Variants in TEX36 observed in about 807,000 individuals in gnomAD.
TEX36 encodes the protein testis-expressed protein 36.
Under a neutral mutation model 13.6 loss-of-function variants are expected in TEX36, and 12 were observed. The ratio of observed to expected loss-of-function variants is 0.88; its 90% CI spans 0.56 to 1.43. The LOEUF is 1.43. Among genes scored for constraint, TEX36 ranks in the 40% most tolerant of loss-of-function variants. The pLI, the probability that TEX36 is intolerant of heterozygous loss-of-function variation, is 0.00. For synonymous variants in TEX36, 93 were observed against 83.0 expected, an observed-to-expected ratio of 1.12 and a Z score of -0.65; for missense variants, 224 against 228.3, an observed-to-expected ratio of 0.98 and a Z score of 0.12.
chr10:125,586,616 TC>T (rs1341971692), intron 3 of TEX36, among the ~76,000 whole-genome samples: 3 of 111,882 alleles, frequency 2.7e-5, no homozygotes, highest in African/African-American at 1.1e-4. Context: ...ATTGTGAAAC[TC>T]CGTCTCTACT....
At chr10:125,672,352 A>G (rs9422796) in intron 1 of TEX36, among the ~76,000 whole-genome samples, 1,555 of 152,306 alleles carry the variant, frequency 0.01, 24 homozygotes, top group African/African-American at 0.034. Context: ...TTGATTTCAA[A>G]GAACTACTTG....
intron 3 of TEX36, among the ~76,000 whole-genome samples, chr10:125,623,868 C>T (rs1211324906): frequency 1.3e-5 from 2 of 152,182 alleles, no homozygotes; most frequent in African/African-American, 4.8e-5. Context: ...AATAATCAGT[C>T]GCCTCTTTGT....
At chr10:125,663,852 ACAAACAATCC>A (rs1189248932) in intron 1 of TEX36, among the ~76,000 whole-genome samples, 32 of 152,326 alleles carry the variant, frequency 2.1e-4, no homozygotes, top group Non-Finnish European at 3.4e-4. Context: ...TCTTTGTGTT[ACAAACAATCC>A]AATTATACTT....
intron 3 of TEX36, among the ~76,000 whole-genome samples, chr10:125,630,845 A>T (rs1275576727): frequency 6.6e-6 from 1 of 152,254 alleles, no homozygotes; most frequent in East Asian, 1.9e-4. Flanking sequence ...GAAATTACCC[A>T]AGGGAAGAGA....
chr10:125,601,283 A>G (rs578148341), intron 3 of TEX36, among the ~76,000 whole-genome samples: 1 of 152,402 alleles, frequency 6.6e-6, no homozygotes, highest in Admixed American at 6.5e-5. Context: ...TATTAAAGAA[A>G]CTATAATAAT....
intron 3 of TEX36, among the ~76,000 whole-genome samples, chr10:125,636,630 T>A (rs1223209245): frequency 6.6e-6 from 1 of 152,170 alleles, no homozygotes; most frequent in Admixed American, 6.5e-5. Context: ...TAAACCCGTG[T>A]TCCAGTTCTG....
intron 1 of TEX36, among the ~76,000 whole-genome samples, chr10:125,680,704 G>A (rs777853933): frequency 1.3e-4 from 20 of 152,122 alleles, no homozygotes; most frequent in African/African-American, 4.6e-4. Flanking sequence ...TTCCCTCCTC[G>A]TCTACAAGTT....
intron 3 of TEX36, among the ~76,000 whole-genome samples, chr10:125,606,114 G>A (rs1045783221): frequency 5.3e-5 from 8 of 152,120 alleles, no homozygotes; most frequent in African/African-American, 1.4e-4. Context: ...CTGTTGGGCC[G>A]TGTTCTAAAA....
chr10:125,606,379 C>CA (rs888951152), intron 3 of TEX36, among the ~76,000 whole-genome samples: 9 of 152,170 alleles, frequency 5.9e-5, no homozygotes, highest in Admixed American at 3.3e-4. Context: ...ATCCAGTGCA[C>CA]AAAAAACAGT....
intron 3 of TEX36, among the ~76,000 whole-genome samples, chr10:125,594,523 T>G (rs907948583): frequency 2.6e-5 from 4 of 152,168 alleles, no homozygotes; most frequent in African/African-American, 9.7e-5. Flanking sequence ...GTTTAGCACA[T>G]CTCTCTCAGA....
At chr10:125,602,920 C>G (rs1846167047) in intron 3 of TEX36, among the ~76,000 whole-genome samples, 1 of 152,202 alleles carries the variant, frequency 6.6e-6, no homozygotes, top group South Asian at 2.1e-4. Context: ...GATTACATGA[C>G]ACCTGGAGAT....
chr10:125,682,797 G>T, intron 1 of TEX36, 142 bp downstream of exon 1: 1 of 904,486 alleles, frequency 1.1e-6, no homozygotes, highest in Non-Finnish European at 1.8e-6. Flanking sequence ...TGTCACAGAT[G>T]AAGAAACTGA....
intron 3 of TEX36, among the ~76,000 whole-genome samples, chr10:125,602,569 C>T (rs972928284): frequency 3.3e-5 from 5 of 152,186 alleles, no homozygotes; most frequent in Non-Finnish European, 7.3e-5. Flanking sequence ...CTGTATTACT[C>T]TGACTTGTGC....
At chr10:125,667,835 C>A in intron 1 of TEX36, 1 of 1,453,494 alleles carries the variant, frequency 6.9e-7, no homozygotes, top group Non-Finnish European at 9.6e-7. Flanking sequence ...CTTGGCAATG[C>A]TCCCAGTGGA....
intron 1 of TEX36, among the ~76,000 whole-genome samples, chr10:125,668,344 A>G (rs1359293444): frequency 6.6e-6 from 1 of 151,604 alleles, no homozygotes; most frequent in African/African-American, 2.4e-5. Context: ...CAGTCTCACT[A>G]TTCAGCATTG....
chr10:125,620,175 G>A (rs115573715), downstream of TEX36, among the ~76,000 whole-genome samples: 1,115 of 152,132 alleles, frequency 7.3e-3, 17 homozygotes, highest in African/African-American at 0.026. Context: ...ACATTTACAG[G>A]GCTGCTGAGA....
intron 3 of TEX36, among the ~76,000 whole-genome samples, chr10:125,640,946 C>T (rs1230241601): frequency 6.6e-6 from 1 of 151,938 alleles, no homozygotes; most frequent in Non-Finnish European, 1.5e-5. Context: ...TCATTTCAAC[C>T]CTTCCTCCCC....
At chr10:125,580,750 C>T (rs531710547) in intron 3 of TEX36, among the ~76,000 whole-genome samples, 84 of 152,226 alleles carry the variant, frequency 5.5e-4, no homozygotes, top group African/African-American at 1.7e-3. Context: ...ATCCCTCTGA[C>T]CAGGGGTAGG....
exon 4 of TEX36, chr10:125,576,777 C>T (rs769917655): frequency 2.6e-6 from 4 of 1,535,578 alleles, no homozygotes; most frequent in South Asian, 1.2e-5. Flanking sequence ...TGCATTAGTT[C>T]TCAGGCCTGG....
Sources: allele counts gnomAD v4.1 joint callset (sites outside exome capture counted in the v4.1 genomes callset), GRCh38; gene constraint gnomAD v4.1.1; transcripts MANE v1.5; gene names NCBI Gene and HGNC (gene_info 2026-07-23, HGNC 2026-07-21).